Variants in GRM8 observed in about 807,000 individuals in gnomAD.
GRM8 encodes the protein glutamate metabotropic receptor 8.
In GRM8, 47 loss-of-function variants were observed where a neutral mutation model predicts 87.2. The ratio of observed to expected loss-of-function variants is 0.54; its 90% CI spans 0.43 to 0.69. The LOEUF is 0.69. Among genes scored for constraint, GRM8 ranks in the 30% least tolerant of loss-of-function variants. GRM8 has a pLI of 0.00. For missense variants in GRM8, 1,019 were observed against 1,139.2 expected (o/e 0.89, Z 1.52); for synonymous variants, 396 against 404.5 (o/e 0.98, Z 0.25).
chr7:126,562,149 C>T (rs1034074513), intron 8 of GRM8, among the ~76,000 whole-genome samples: 6 of 151,722 alleles, frequency 4.0e-5, no homozygotes, highest in African/African-American at 1.5e-4. Flanking sequence ...ATGATAAAAC[C>T]ATAAACTGCT....
At chr7:126,712,979 CT>C (rs1189023450) in intron 7 of GRM8, among the ~76,000 whole-genome samples, 1 of 152,130 alleles carries the variant, frequency 6.6e-6, no homozygotes, top group African/African-American at 2.4e-5. Context: ...AATAGGAACA[CT>C]TTTACACTGT....
chr7:126,630,602 C>T (rs1342703503), intron 7 of GRM8, among the ~76,000 whole-genome samples: 2 of 152,060 alleles, frequency 1.3e-5, no homozygotes, highest in Non-Finnish European at 2.9e-5. Context: ...GGCCAATATC[C>T]TTGATGAACA....
Position 126,756,688 on chromosome 7 carries a change from T to C in GRM8, c.1357+13177A>G, listed in dbSNP as rs549884839. ...GCTATGTACTGTATAATTCCAACTATAAGACATCTGGAAAAGGCAAAACTG... is the reference window on the plus strand; with the variant it reads ...GCTATGTACTGTATAATTCCAACTACAAGACATCTGGAAAAGGCAAAACTG... On this transcript the variant is annotated intron_variant, in intron 7 of 10. Coordinates refer to ENST00000339582, the MANE Select transcript of GRM8 (RefSeq NM_000845.3). 5.3e-5 allele frequency among the ~76,000 whole-genome samples: 8 copies of C among 152,156 alleles called. No individual in the cohort carries two copies. In the South Asian group the frequency reaches 1.0e-3, roughly 20 times the overall value.
chr7:126,797,585 G>A (rs535241496), intron 6 of GRM8, among the ~76,000 whole-genome samples: 32 of 152,158 alleles, frequency 2.1e-4, no homozygotes, highest in African/African-American at 7.2e-4. Flanking sequence ...AGTAACAGAA[G>A]TGAAAGGCTG....
intron 6 of GRM8, among the ~76,000 whole-genome samples, chr7:126,827,989 G>T (rs1350082818): frequency 1.3e-5 from 2 of 152,090 alleles, no homozygotes; most frequent in African/African-American, 4.8e-5. Context: ...TTTGTTTTTG[G>T]TTCTGTTTAT....
At chr7:126,702,674 C>A (rs1407305115) in intron 7 of GRM8, among the ~76,000 whole-genome samples, 1 of 152,134 alleles carries the variant, frequency 6.6e-6, no homozygotes, top group Non-Finnish European at 1.5e-5. Context: ...TCTTCTAACT[C>A]CCCAGCTTCC....
chr7:126,942,905 C>A (rs962444078), intron 3 of GRM8, among the ~76,000 whole-genome samples: 1 of 152,106 alleles, frequency 6.6e-6, no homozygotes, highest in East Asian at 1.9e-4. Flanking sequence ...GTGAGAGGTT[C>A]ATGTTTTGAC....
At chr7:126,608,363 G>C (rs1258737123) in intron 8 of GRM8, among the ~76,000 whole-genome samples, 3 of 152,066 alleles carry the variant, frequency 2.0e-5, no homozygotes, top group African/African-American at 7.2e-5. Context: ...CCATCCCCAC[G>C]TGCTAACCCC....
chr7:126,499,344 T>A (rs547010087), intron 9 of GRM8, among the ~76,000 whole-genome samples: 63 of 151,946 alleles, frequency 4.1e-4, no homozygotes, highest in African/African-American at 1.5e-3. Context: ...AAGGAAACCC[T>A]TCTATACTCA....
At chr7:127,071,941 A>G (rs1198976954) in intron 3 of GRM8, among the ~76,000 whole-genome samples, 1 of 151,968 alleles carries the variant, frequency 6.6e-6, no homozygotes, top group East Asian at 1.9e-4. Flanking sequence ...CCACATGCCC[A>G]GCTTTGCTAT....
intron 7 of GRM8, among the ~76,000 whole-genome samples, chr7:126,748,024 T>C (rs1815916739): frequency 1.3e-5 from 2 of 152,162 alleles, no homozygotes; most frequent in South Asian, 2.1e-4. Flanking sequence ...TCATGTTTTC[T>C]AGATTTACCT....
At chr7:127,054,802 G>C (rs1298343069) in intron 3 of GRM8, among the ~76,000 whole-genome samples, 1 of 151,982 alleles carries the variant, frequency 6.6e-6, no homozygotes, top group East Asian at 1.9e-4. Context: ...AACCAAAATA[G>C]ATATGGTAGT....
At chr7:127,145,116 A>T (rs1828484035) in intron 2 of GRM8, among the ~76,000 whole-genome samples, 2 of 152,146 alleles carry the variant, frequency 1.3e-5, no homozygotes, top group South Asian at 4.1e-4. Flanking sequence ...AATTAAGGAT[A>T]ACAAATAGTA....
chr7:127,183,346 T>C (rs1236272182), intron 2 of GRM8, among the ~76,000 whole-genome samples: 1 of 151,872 alleles, frequency 6.6e-6, no homozygotes, highest in African/African-American at 2.4e-5. Context: ...ATACTAAGTA[T>C]GTTTTCAGAT....
chr7:127,171,524 T>C (rs926632693), intron 2 of GRM8, among the ~76,000 whole-genome samples: 1 of 152,154 alleles, frequency 6.6e-6, no homozygotes, highest in Non-Finnish European at 1.5e-5. Context: ...CATCCCAACC[T>C]TAAGCAACCA....
At chr7:126,568,011 C>A (rs929379172) in intron 8 of GRM8, among the ~76,000 whole-genome samples, 1 of 152,122 alleles carries the variant, frequency 6.6e-6, no homozygotes, top group African/African-American at 2.4e-5. Context: ...AACTCTTCTA[C>A]AGGACAGAAA....
At chr7:126,655,088 C>T (rs1056164163) in intron 7 of GRM8, among the ~76,000 whole-genome samples, 5 of 152,168 alleles carry the variant, frequency 3.3e-5, no homozygotes, top group Non-Finnish European at 5.9e-5. Flanking sequence ...GATGGTACAA[C>T]ATTGCTTTTA....
intron 3 of GRM8, among the ~76,000 whole-genome samples, chr7:126,939,196 C>T (rs1806644187): frequency 6.6e-6 from 1 of 152,018 alleles, no homozygotes; most frequent in African/African-American, 2.4e-5. Context: ...TGAAAGACAC[C>T]AATTCAATCA....
At chr7:126,748,046 T>C (rs1186471624) in intron 7 of GRM8, among the ~76,000 whole-genome samples, 1 of 152,020 alleles carries the variant, frequency 6.6e-6, no homozygotes, top group African/African-American at 2.4e-5. Context: ...TATTGGTACA[T>C]CATACTTAAT....
Sources: allele counts gnomAD v4.1 joint callset (sites outside exome capture counted in the v4.1 genomes callset), GRCh38; gene constraint gnomAD v4.1.1; transcripts MANE v1.5; gene names NCBI Gene and HGNC (gene_info 2026-07-23, HGNC 2026-07-21).